Variants in SPATA3 observed in about 807,000 individuals in gnomAD.
SPATA3 encodes the protein spermatogenesis-associated protein 3.
Under a neutral mutation model 5.7 loss-of-function variants are expected in SPATA3, and 6 were observed. The ratio of observed to expected loss-of-function variants is 1.06; its 90% CI spans 0.58 to 2.09. The LOEUF is 2.09. Ranked by LOEUF, SPATA3 falls within the 30% of genes most tolerant of loss-of-function variation. The pLI, the probability that SPATA3 is intolerant of heterozygous loss-of-function variation, is 0.00. For synonymous variants in SPATA3, 44 were observed against 48.4 expected (o/e 0.91, Z 0.37); for missense variants, 155 against 130.4 (o/e 1.19, Z -0.92).
chr2:231,005,268 TCATCAC>T (rs1559197602), downstream of SPATA3, among the ~76,000 whole-genome samples: 3 of 40,822 alleles, frequency 7.3e-5, no homozygotes, highest in Non-Finnish European at 1.5e-4. Context: ...ATCATTACCA[TCATCAC>T]CATCACCATC....
At chr2:231,000,772 TTCCTCACTGGGATTCC>T (rs1349591305) in intron 2 of SPATA3, among the ~76,000 whole-genome samples, 4 of 152,280 alleles carry the variant, frequency 2.6e-5, no homozygotes, top group African/African-American at 9.6e-5. Context: ...GCCAGTTTTC[TTCCTCACTGGGATTCC>T]TCCTCAGGGG....
intron 6 of SPATA3, among the ~76,000 whole-genome samples, chr2:231,019,376 T>G (rs1055573843): frequency 2.8e-5 from 4 of 144,550 alleles, no homozygotes; most frequent in African/African-American, 1.0e-4. Flanking sequence ...CAGGCTGGAG[T>G]GCAGTGGTGC....
intron 1 of SPATA3, among the ~76,000 whole-genome samples, chr2:230,997,438 A>G (rs1255156603): frequency 6.6e-6 from 1 of 152,236 alleles, no homozygotes; most frequent in East Asian, 1.9e-4. Flanking sequence ...AGCAGTGTGA[A>G]AACAGACAAA....
downstream of SPATA3, among the ~76,000 whole-genome samples, chr2:231,010,012 AAAG>A (rs1035855140): frequency 4.1e-4 from 63 of 152,364 alleles, no homozygotes; most frequent in Admixed American, 1.1e-3. Flanking sequence ...TTAGAGCTGG[AAAG>A]AAGAGTGAGC....
At chr2:231,018,536 G>C (rs1270557630) in intron 6 of SPATA3, among the ~76,000 whole-genome samples, 1 of 151,942 alleles carries the variant, frequency 6.6e-6, no homozygotes, top group African/African-American at 2.4e-5. Flanking sequence ...TAATACATTT[G>C]TGTGCCTTTT....
intron 2 of SPATA3, among the ~76,000 whole-genome samples, 194 bp downstream of exon 2, chr2:231,000,731 C>T (rs1692321107): frequency 6.6e-6 from 1 of 152,074 alleles, no homozygotes; most frequent in Admixed American, 6.5e-5. Context: ...GCCCCACCCC[C>T]GGGGTACCCA....
At chr2:231,005,004 TCACCAC>T (rs1280847707), downstream of SPATA3, among the ~76,000 whole-genome samples, 2 of 33,902 alleles carry the variant, frequency 5.9e-5, no homozygotes, top group African/African-American at 3.2e-4. Context: ...CTCACCATCA[TCACCAC>T]CATCATCACC....
chr2:231,000,534 A>G, exon 2 of SPATA3: 1 of 1,523,882 alleles, frequency 6.6e-7, no homozygotes, highest in Non-Finnish European at 8.8e-7. Flanking sequence ...CTCACCTTCT[A>G]CAGGTTCCAA....
chr2:231,014,117 G>A (rs1460379602), exon 6 of SPATA3: 3 of 152,118 alleles, frequency 2.0e-5, no homozygotes, highest in Non-Finnish European at 4.4e-5. Flanking sequence ...CAAAGAAGGG[G>A]TTAATGATGC....
At chr2:231,014,322 A>G (rs146861612) in intron 6 of SPATA3, 7 of 152,348 alleles carry the variant, frequency 4.6e-5, no homozygotes, top group African/African-American at 1.7e-4. Context: ...AAAGTCTACT[A>G]TTCTTAGCCT....
At chr2:230,996,986 T>C (rs11674265) in intron 1 of SPATA3, among the ~76,000 whole-genome samples, 89,393 of 152,062 alleles carry the variant, frequency 0.59, 27,044 homozygotes, top group East Asian at 0.77. Flanking sequence ...TGATGGAGGA[T>C]GAGAAGGATC....
At chr2:231,004,734 C>T (rs1157683087), downstream of SPATA3, among the ~76,000 whole-genome samples, 1 of 152,100 alleles carries the variant, frequency 6.6e-6, no homozygotes, top group Admixed American at 6.5e-5. Flanking sequence ...CTCTTCAATA[C>T]CCAGTATTTC....
At chr2:231,004,635 T>C (rs1692470748), downstream of SPATA3, among the ~76,000 whole-genome samples, 1 of 152,112 alleles carries the variant, frequency 6.6e-6, no homozygotes, top group Non-Finnish European at 1.5e-5. Context: ...GCACCCGAGT[T>C]AAAGCATTTT....
chr2:231,006,360 G>T (rs979572380), downstream of SPATA3, among the ~76,000 whole-genome samples: 1 of 151,204 alleles, frequency 6.6e-6, no homozygotes, highest in Admixed American at 6.6e-5. Flanking sequence ...AAAAATAGCC[G>T]GGCGTGGTGG....
At chr2:231,005,744 T>C (rs972683819), downstream of SPATA3, among the ~76,000 whole-genome samples, 3 of 152,058 alleles carry the variant, frequency 2.0e-5, no homozygotes, top group African/African-American at 7.2e-5. Context: ...CCATCACCCT[T>C]GGAGGTAGTT....
downstream of SPATA3, among the ~76,000 whole-genome samples, chr2:231,005,106 TCAC>T (rs1339795789): frequency 1.2e-5 from 1 of 80,416 alleles, no homozygotes; most frequent in Non-Finnish European, 2.5e-5. Context: ...CTCATCACCA[TCAC>T]CATCATCACC....
chr2:230,997,775 G>A (rs554723020), intron 1 of SPATA3, among the ~76,000 whole-genome samples: 9 of 152,212 alleles, frequency 5.9e-5, no homozygotes, highest in Non-Finnish European at 1.3e-4. Context: ...GAGTTCAGGA[G>A]GTGGGCTGGT....
chr2:231,008,148 C>T (rs2125116315), downstream of SPATA3, among the ~76,000 whole-genome samples: 1 of 152,288 alleles, frequency 6.6e-6, no homozygotes, highest in South Asian at 2.1e-4. Flanking sequence ...GGAGAACACA[C>T]ACCACACAGC....
chr2:231,008,073 T>G (rs1290529957), downstream of SPATA3, among the ~76,000 whole-genome samples: 1 of 152,200 alleles, frequency 6.6e-6, no homozygotes, highest in Non-Finnish European at 1.5e-5. Flanking sequence ...TAGTGAGTCC[T>G]AATGCAGTGG....
Sources: allele counts gnomAD v4.1 joint callset (sites outside exome capture counted in the v4.1 genomes callset), GRCh38; gene constraint gnomAD v4.1.1; transcripts MANE v1.5; gene names NCBI Gene and HGNC (gene_info 2026-07-23, HGNC 2026-07-21).